Variants in TPO observed in about 807,000 individuals in gnomAD.
The protein encoded by TPO is thyroid microsomal antigen.
In TPO, 78 loss-of-function variants were observed where a neutral mutation model predicts 96.9. That is an observed-to-expected ratio of 0.81 (90% CI 0.67 to 0.97). The LOEUF (loss-of-function observed/expected upper bound fraction) is 0.97. TPO is among the 50% of genes least tolerant of loss of function. The pLI, the probability that TPO is intolerant of heterozygous loss-of-function variation, is 0.00. For missense variants in TPO, 1,252 were observed against 1,274.8 expected, an observed-to-expected ratio of 0.98 and a Z score of 0.27; for synonymous variants, 547 against 538.0, an observed-to-expected ratio of 1.02 and a Z score of -0.23.
chr2:1,541,140 C>T lies in TPO; in HGVS notation c.2748+417C>T, dbSNP rs1558449016. The T allele has an allele frequency of 2.5e-6, 3 of 1,183,778 alleles. No homozygotes were observed. In the East Asian group the frequency reaches 1.7e-4, roughly 69 times the overall value. The allele number at this position is 1,183,778 out of a possible 1,614,324, so 73.3% of individuals were successfully genotyped here. A position where few individuals can be genotyped will look rare whatever the true frequency, so the allele number is the denominator to read the frequency against. On this transcript the variant is annotated intron_variant, in intron 16 of 16. Transcript: ENST00000329066. Reference sequence around the variant, plus strand: ...ATGTTTTACCCCCTTACCTTGTATGCAGAACCCCAAGGGAGGCCATATCAA... The same window carrying T: ...ATGTTTTACCCCCTTACCTTGTATGTAGAACCCCAAGGGAGGCCATATCAA...
intron 2 of TPO, among the ~76,000 whole-genome samples, chr2:1,418,089 C>T (rs1318697412): frequency 2.0e-5 from 3 of 152,192 alleles, no homozygotes; most frequent in Non-Finnish European, 4.4e-5. Context: ...TCAAGACCAG[C>T]CTGACCAACA....
rs1365000065 is a variant in TPO, at chr2:1,413,477, G to C, written c.-70G>C. The stretch of plus-strand genomic sequence containing the variant: ...CAAGTCCCTGGAAGGCAATTAAGGC[G>C]CCCATTTCAGAAGAGTTACAGCCGT... On this transcript the variant is annotated 5_prime_UTR_variant, in exon 1 of 17. Coordinates refer to ENST00000329066, the MANE Select transcript of TPO (RefSeq NM_001206744.2). 6.0e-6 allele frequency: 1 copy of C among 167,226 alleles called. No individual in the cohort carries two copies. The highest frequency in any genetic ancestry group is 1.2e-5 in the Non-Finnish European group (1 of 81,848). 10.4% of individuals were successfully genotyped at this position (167,226 alleles called of 1,614,324 possible).
At chr2:1,413,801 C>T (rs755253456) in intron 1 of TPO, 2 of 949,664 alleles carry the variant, frequency 2.1e-6, no homozygotes, top group African/African-American at 3.5e-5. Context: ...CTGGTGCTAT[C>T]CTGCTTAACA....
chr2:1,393,481 G>A (rs1481930492), intron 1 of TPO, among the ~76,000 whole-genome samples: 2 of 152,184 alleles, frequency 1.3e-5, no homozygotes, highest in African/African-American at 4.8e-5. Context: ...GGTGGGTGTT[G>A]GGGGAGGGCC....
chr2:1,519,966 G>C (rs1675083943), intron 15 of TPO, among the ~76,000 whole-genome samples: 1 of 152,194 alleles, frequency 6.6e-6, no homozygotes, highest in Non-Finnish European at 1.5e-5. Flanking sequence ...AGACTCTGGA[G>C]TTCTAAAAAT....
intron 15 of TPO, among the ~76,000 whole-genome samples, chr2:1,528,760 G>C (rs7368786): frequency 1.1e-5 from 1 of 91,922 alleles, no homozygotes; most frequent in Non-Finnish European, 2.1e-5. Flanking sequence ...ACTGTGTGCA[G>C]CCTCCTCAAA....
At chr2:1,540,222 C>T (rs558369282) in intron 15 of TPO, among the ~76,000 whole-genome samples, 21 of 152,194 alleles carry the variant, frequency 1.4e-4, no homozygotes, top group African/African-American at 5.1e-4. Context: ...AGGGATGGCG[C>T]CCGACCCAGG....
chr2:1,432,533 C>T (rs1296753755), intron 3 of TPO, among the ~76,000 whole-genome samples: 5 of 133,424 alleles, frequency 3.7e-5, no homozygotes, highest in Non-Finnish European at 6.5e-5. Flanking sequence ...GAGGGGAGGC[C>T]TGCAGGTGAG....
intron 1 of TPO, among the ~76,000 whole-genome samples, chr2:1,397,718 T>A (rs1365213880): frequency 6.6e-6 from 1 of 152,166 alleles, no homozygotes; most frequent in Admixed American, 6.5e-5. Context: ...CCCCGGGTCC[T>A]GATGCAGGGG....
chr2:1,527,294 C>T (rs577968471), intron 15 of TPO, among the ~76,000 whole-genome samples: 3 of 138,518 alleles, frequency 2.2e-5, no homozygotes, highest in Non-Finnish European at 4.6e-5. Context: ...AATCCCCTCA[C>T]TGTGTAACCT....
rs765235698 is a variant in TPO at position 1,484,698 on chromosome 2, G to C, written c.1441G>C (p.Val481Leu). 8.1e-6 allele frequency: 13 copies of C among 1,614,124 alleles called. No individual in the cohort carries two copies. In the South Asian group the frequency reaches 1.1e-4, roughly 14 times the overall value. ...EGYDSTANPT[V>L]SNVFSTAAFR... ...CTATGACTCCACCGCCAACCCCACT[G>C]TGTCCAACGTGTTCTCCACAGCCGC... is the stretch of plus-strand genomic sequence containing the variant. The change falls in exon 9 of 17, where the codon GTG becomes CTG. Residue 481 changes from valine (V) to leucine (L), a missense_variant. By Grantham distance (32) the Val-to-Leu change is conservative (BLOSUM62 1). Transcript: ENST00000329066.
chr2:1,470,574 T>A (rs1034679002), intron 7 of TPO, among the ~76,000 whole-genome samples: 1 of 151,328 alleles, frequency 6.6e-6, no homozygotes, highest in African/African-American at 2.4e-5. Context: ...TTTAAACATA[T>A]TAAAAACTGG....
chr2:1,456,602 TAG>T (rs757658781), intron 7 of TPO, among the ~76,000 whole-genome samples: 3 of 147,612 alleles, frequency 2.0e-5, no homozygotes, highest in Non-Finnish European at 4.5e-5. Context: ...GCATGCATGA[TAG>T]TGTGTGGGCA....
intron 15 of TPO, among the ~76,000 whole-genome samples, chr2:1,517,345 AG>A (rs1383784291): frequency 1.3e-5 from 2 of 152,236 alleles, no homozygotes; most frequent in African/African-American, 4.8e-5. Context: ...ATGAATAAAA[AG>A]TTTTATTCTT....
At chr2:1,375,888 CAGG>C (rs1661715634) in intron 1 of TPO, among the ~76,000 whole-genome samples, 1 of 152,124 alleles carries the variant, frequency 6.6e-6, no homozygotes, top group African/African-American at 2.4e-5. Flanking sequence ...GGTGGGAAGA[CAGG>C]AGGATTTTTC....
At chr2:1,460,022 G>A (rs767136016) in intron 7 of TPO, among the ~76,000 whole-genome samples, 1 of 150,480 alleles carries the variant, frequency 6.6e-6, no homozygotes, top group South Asian at 2.1e-4. Flanking sequence ...TGCAACCTCC[G>A]CCTCCCGGAT....
chr2:1,508,332 T>G (rs943299525), intron 14 of TPO, among the ~76,000 whole-genome samples: 8 of 152,202 alleles, frequency 5.3e-5, no homozygotes, highest in Non-Finnish European at 1.0e-4. Flanking sequence ...TCAAGGATAT[T>G]GGTCTAAAAT....
At position 1,496,655 on chromosome 2, in the gene TPO, C is replaced by T. The variant is rs745521861; in HGVS notation, c.2276C>T (p.Ser759Phe). Residue 759 changes from serine (S) to phenylalanine (F), a missense_variant, in exon 13 of 17, where the codon TCT (serine) becomes TTT (phenylalanine). By Grantham distance (155) the Ser-to-Phe change is radical. Transcript: ENST00000329066. ...GGGGACTTTGTGCACTGTGAGGAGTCTGGGAGGCGCGTGCTGGTGTATTCC... is the reference window on the plus strand; with the variant it reads ...GGGGACTTTGTGCACTGTGAGGAGTTTGGGAGGCGCGTGCTGGTGTATTCC... ...ENGDFVHCEE[S>F]GRRVLVYSCR... 3 of 1,613,994 alleles carry T rather than the reference C, an allele frequency of 1.9e-6. No homozygotes were observed. The highest frequency in any genetic ancestry group is 2.5e-6 in the Non-Finnish European group (3 of 1,180,004).
intron 15 of TPO, among the ~76,000 whole-genome samples, chr2:1,533,476 C>CG: frequency 1.7e-5 from 1 of 57,434 alleles, no homozygotes; most frequent in Non-Finnish European, 3.4e-5. Flanking sequence ...CCCAAATCCC[C>CG]CCAACTGTTT....
Sources: allele counts gnomAD v4.1 joint callset (sites outside exome capture counted in the v4.1 genomes callset), GRCh38; gene constraint gnomAD v4.1.1; transcripts MANE v1.5; gene names NCBI Gene and HGNC (gene_info 2026-07-23, HGNC 2026-07-21).